Variants in HIGD2B observed in about 807,000 individuals in gnomAD.
The protein encoded by HIGD2B is HIG1 domain family member 2B.
For synonymous variants in HIGD2B, 45 were observed against 28.1 expected (o/e 1.60, Z -1.90); for missense variants, 106 against 67.0 (o/e 1.58, Z -2.03).
intron 2 of HIGD2B, among the ~76,000 whole-genome samples, chr15:72,677,527 T>C (rs2150974554): frequency 6.6e-6 from 1 of 151,904 alleles, no homozygotes; most frequent in Non-Finnish European, 1.5e-5. Context: ...CTTGGAAAGC[T>C]GAGGCAAGAG....
intron 2 of HIGD2B, among the ~76,000 whole-genome samples, chr15:72,678,418 C>T (rs1476274984): frequency 1.3e-5 from 2 of 152,048 alleles, no homozygotes; most frequent in African/African-American, 4.8e-5. Context: ...GCCTTAGCCT[C>T]CCAAGTAGCT....
intron 2 of HIGD2B, among the ~76,000 whole-genome samples, chr15:72,677,983 T>A (rs2064710688): frequency 1.3e-5 from 2 of 152,168 alleles, no homozygotes; most frequent in South Asian, 4.1e-4. Context: ...TCTCTGACTT[T>A]CCCTGTGTCA....
At chr15:72,678,277 C>T (rs2064713588) in intron 2 of HIGD2B, among the ~76,000 whole-genome samples, 1 of 152,084 alleles carries the variant, frequency 6.6e-6, no homozygotes, top group Non-Finnish European at 1.5e-5. Flanking sequence ...CTGGGATCCA[C>T]TAGAACAGCT....
chr15:72,679,306 A>C lies in HIGD2B; in HGVS notation c.-14+709T>G, dbSNP rs1485665962. ...CTTGAACCAAGGAGGCAGAGGTTGC[A>C]GTGAGCTGAGATTCTGCCATTGCAC... On this transcript the variant is annotated intron_variant, in intron 2 of 2. Transcript: ENST00000311755. Among the ~76,000 whole-genome samples the C allele has an allele frequency of 4.0e-5, 6 of 149,278 alleles. No individual in the cohort carries two copies. In the South Asian group the frequency reaches 6.5e-4, roughly 16 times the overall value.
chr15:72,685,337 T>C (rs1056652307), intron 1 of HIGD2B, among the ~76,000 whole-genome samples: 1 of 152,196 alleles, frequency 6.6e-6, no homozygotes, highest in Non-Finnish European at 1.5e-5. Context: ...CTAATGTCAG[T>C]GCTCAGGTGC....
At chr15:72,677,397 G>T (rs1382748842) in intron 2 of HIGD2B, among the ~76,000 whole-genome samples, 2 of 152,180 alleles carry the variant, frequency 1.3e-5, no homozygotes, top group Non-Finnish European at 2.9e-5. Context: ...CTGCCCTCCA[G>T]CCTGGGTGGG....
chr15:72,679,473 T>C (rs890221460), intron 2 of HIGD2B, among the ~76,000 whole-genome samples: 8 of 151,908 alleles, frequency 5.3e-5, no homozygotes, highest in African/African-American at 1.9e-4. Flanking sequence ...TATTAAGTAG[T>C]TATGAGCCAG....
chr15:72,685,841 G>A lies in HIGD2B; in HGVS notation c.-216C>T. ...ACCTAAGGCGAGAAAGAAATTCTCC[G>A]CCGAAATCTCCCGGAAGAAGGACTG... is the stretch of plus-strand genomic sequence containing the variant. On this transcript the variant is annotated 5_prime_UTR_variant, in exon 1 of 3. Coordinates refer to ENST00000311755, the MANE Select transcript of HIGD2B (RefSeq NM_001350932.3). The A allele has an allele frequency of 2.9e-6, 1 of 341,478 alleles. No homozygotes were observed. The highest frequency in any genetic ancestry group is 5.6e-6 in the Non-Finnish European group (1 of 177,490). 21.2% of individuals were successfully genotyped at this position (341,478 alleles called of 1,614,324 possible). A position where few individuals can be genotyped will look rare whatever the true frequency, so the allele number is the denominator to read the frequency against.
intron 1 of HIGD2B, among the ~76,000 whole-genome samples, chr15:72,684,831 T>C (rs1288083900): frequency 6.6e-6 from 1 of 151,972 alleles, no homozygotes; most frequent in Admixed American, 6.6e-5. Context: ...TCGCCCAGGC[T>C]GGAGCACAGA....
At chr15:72,680,927 G>C (rs12591728) in intron 1 of HIGD2B, among the ~76,000 whole-genome samples, 2 of 152,016 alleles carry the variant, frequency 1.3e-5, no homozygotes, top group South Asian at 2.1e-4. Flanking sequence ...ACCTGAGATA[G>C]TGAGAGACAG....
At chr15:72,685,216 C>T (rs1386479279) in intron 1 of HIGD2B, among the ~76,000 whole-genome samples, 5 of 152,168 alleles carry the variant, frequency 3.3e-5, no homozygotes, top group African/African-American at 1.2e-4. Flanking sequence ...GGTTCTCCCT[C>T]TCTTAGAGGC....
chr15:72,684,683 T>G (rs1022288636), intron 1 of HIGD2B, among the ~76,000 whole-genome samples: 5 of 152,188 alleles, frequency 3.3e-5, no homozygotes, highest in Non-Finnish European at 4.4e-5. Flanking sequence ...GAGACAGGGT[T>G]ACACCATGTT....
intron 1 of HIGD2B, among the ~76,000 whole-genome samples, chr15:72,681,699 C>G (rs1310557318): frequency 6.6e-6 from 1 of 151,334 alleles, no homozygotes; most frequent in Non-Finnish European, 1.5e-5. Flanking sequence ...CTCCACCTCC[C>G]GGGTTCAAGT....
At chr15:72,678,753 T>A (rs2064717833) in intron 2 of HIGD2B, among the ~76,000 whole-genome samples, 2 of 152,012 alleles carry the variant, frequency 1.3e-5, no homozygotes, top group South Asian at 4.1e-4. Flanking sequence ...ATCCCAACAC[T>A]TTGGGAGGTC....
chr15:72,678,484 T>C (rs2150975319), intron 2 of HIGD2B, among the ~76,000 whole-genome samples: 1 of 152,038 alleles, frequency 6.6e-6, no homozygotes, highest in African/African-American at 2.4e-5. Flanking sequence ...TTTAAGTTTG[T>C]AGAGATGGGG....
rs982765843 is a variant in HIGD2B at position 72,676,362 on chromosome 15, C to T, written c.13G>A (p.Gly5Ser). 6.7e-5 allele frequency: 51 copies of T among 755,608 alleles called. No homozygotes were observed. The Middle Eastern group carries it at 1.1e-3, about 17-fold the overall frequency. 46.8% of individuals were successfully genotyped at this position (755,608 alleles called of 1,614,324 possible). Residue 5 changes from glycine to serine, a missense_variant, in exon 3 of 3, where the codon GGC (glycine) becomes AGC (serine). By Grantham distance (56) the Gly-to-Ser change is moderately conservative (BLOSUM62 0). Coordinates refer to ENST00000311755, the MANE Select transcript of HIGD2B (RefSeq NM_001350932.3). ...AAGGGGGCCTCCGGAGTCACAAAGC[C>T]GAGAGTCGCCATGCCTAGGCCACAG... MATL[G>S]FVTPEAPFES...
rs1466317470 is a variant in HIGD2B at position 72,676,108 on chromosome 15, G to A, written c.267C>T (p.Thr89=). The A allele has an allele frequency of 2.6e-6, 2 of 765,464 alleles. No individual in the cohort carries two copies. The highest frequency in any genetic ancestry group is 1.7e-5 in the Admixed American group (1 of 58,726). 47.4% of individuals were successfully genotyped at this position (765,464 alleles called of 1,614,324 possible). ...CTAGACCCAGCAAGATGGCTGCAAT[G>A]GTGAAGCCCTGGGCGGCGATCTGGG... ...MHTQIAAQGF[T]IAAILLGLAA... The change falls in exon 3 of 3, where the codon ACC becomes ACT. Residue 89 remains threonine, a synonymous_variant. Transcript: ENST00000311755.
At chr15:72,682,770 G>T in intron 1 of HIGD2B, 1 of 218,370 alleles carries the variant, frequency 4.6e-6, no homozygotes, top group Non-Finnish European at 9.9e-6. Flanking sequence ...GTATTCTTCT[G>T]TATTTGCAAG....
chr15:72,685,371 A>G (rs1043790038), intron 1 of HIGD2B, among the ~76,000 whole-genome samples: 5 of 152,200 alleles, frequency 3.3e-5, no homozygotes, highest in Non-Finnish European at 7.3e-5. Flanking sequence ...TTTGTTCATC[A>G]CACAGCTCCC....
Sources: allele counts gnomAD v4.1 joint callset (sites outside exome capture counted in the v4.1 genomes callset), GRCh38; gene constraint gnomAD v4.1.1; transcripts MANE v1.5; gene names NCBI Gene and HGNC (gene_info 2026-07-23, HGNC 2026-07-21).